PSME4: variants seen among roughly 807,000 people sequenced by gnomAD.
PSME4 encodes proteasome activator complex subunit 4.
In PSME4, 89 loss-of-function variants were observed where a neutral mutation model predicts 253.9. The observed-to-expected ratio is 0.35, with a 90% CI of 0.30 to 0.42. The LOEUF (loss-of-function observed/expected upper bound fraction) is 0.42, where lower values mean the gene tolerates loss of function less well. PSME4 is among the 10% of genes least tolerant of loss of function. PSME4 has a pLI of 1.00. For synonymous variants in PSME4, 851 were observed against 759.2 expected, an observed-to-expected ratio of 1.12 and a Z score of -1.99; for missense variants, 2,014 against 2,195.2, an observed-to-expected ratio of 0.92 and a Z score of 1.65.
chr2:53,961,434 C>T lies in PSME4; in HGVS notation c.242+9109G>A, dbSNP rs569877608. Among the ~76,000 whole-genome samples the T allele has an allele frequency of 9.1e-4, 139 of 152,012 alleles. 1 individual carries two copies. The highest frequency in any genetic ancestry group is 3.1e-3 in the African/African-American group (129 of 41,462). ...CTGTAATCCCAGCACTTTGGGAGGG[C>T]GAGGCAGGAAGATTTGAGCCCAGGA... On this transcript the variant is annotated intron_variant, in intron 1 of 46. Coordinates refer to ENST00000404125, the MANE Select transcript of PSME4 (RefSeq NM_014614.3).
Position 53,923,347 on chromosome 2 carries a change from C to A in PSME4, c.1882G>T (p.Ala628Ser). Residue 628 changes from alanine (A) to serine (S), a missense_variant, in exon 15 of 47, where the codon GCA becomes TCA. Transcript: ENST00000404125. ...FETRVAGRMVADMCRAAVKCC... is the reference protein window; with the variant it reads ...FETRVAGRMVSDMCRAAVKCC... ...TTTACAGCAGCGCGGCACATGTCTG[C>A]CACCATGCGACCTGCTACTCTTGTT... 6.2e-7 allele frequency: 1 copy of A among 1,609,724 alleles called. No individual in the cohort carries two copies. The highest frequency in any genetic ancestry group is 8.5e-7 in the Non-Finnish European group (1 of 1,178,870).
At chr2:53,966,582 T>C (rs1670748538) in intron 1 of PSME4, among the ~76,000 whole-genome samples, 2 of 150,858 alleles carry the variant, frequency 1.3e-5, no homozygotes, top group African/African-American at 4.9e-5. Flanking sequence ...AAAAAGATAA[T>C]AATGTTGGAG....
intron 26 of PSME4, among the ~76,000 whole-genome samples, chr2:53,904,749 G>A (rs533579873): frequency 1.3e-5 from 2 of 152,218 alleles, no homozygotes; most frequent in African/African-American, 4.8e-5. Flanking sequence ...AGCACTTTGG[G>A]AGGCTGAGGT....
At chr2:53,969,819 T>C (rs1464303390) in intron 1 of PSME4, among the ~76,000 whole-genome samples, 3 of 151,912 alleles carry the variant, frequency 2.0e-5, no homozygotes, top group African/African-American at 7.3e-5. Flanking sequence ...CTGATACTAA[T>C]ATCGCCCTGG....
chr2:53,944,338 T>C (rs2104472163), intron 3 of PSME4, among the ~76,000 whole-genome samples: 1 of 152,192 alleles, frequency 6.6e-6, no homozygotes, highest in African/African-American at 2.4e-5. Flanking sequence ...TTTGTGTTTT[T>C]AGTAGAGATG....
At chr2:53,944,163 A>AT (rs1020465320) in intron 3 of PSME4, among the ~76,000 whole-genome samples, 346 of 147,884 alleles carry the variant, frequency 2.3e-3, no homozygotes, top group Middle Eastern at 0.021. Flanking sequence ...AATCTGGTAA[A>AT]TTTTTTTTTT....
In PSME4 at chr2:53,867,326, G is replaced by A. The variant is rs549503861; in HGVS notation, c.5264-446C>T. 2.0e-4 allele frequency among the ~76,000 whole-genome samples: 31 copies of A among 152,132 alleles called. No individual in the cohort carries two copies. The South Asian group carries it at 4.6e-3, about 22-fold the overall frequency. The stretch of plus-strand genomic sequence containing the variant: ...TCAAGAACAGCTTGGCCAACGTGGC[G>A]AAACCCTGTCTCTGCTAAAAATACA... On this transcript the variant is annotated intron_variant, in intron 44 of 46. Transcript: ENST00000404125.
At chr2:53,935,303 A>G (rs1669050039) in intron 7 of PSME4, among the ~76,000 whole-genome samples, 1 of 152,192 alleles carries the variant, frequency 6.6e-6, no homozygotes, top group African/African-American at 2.4e-5. Flanking sequence ...GTGGGGAGAA[A>G]TGATTTCTCT....
intron 29 of PSME4, among the ~76,000 whole-genome samples, chr2:53,898,635 A>ACG (rs766014060): frequency 2.8e-5 from 2 of 71,636 alleles, no homozygotes; most frequent in African/African-American, 5.7e-5. Flanking sequence ...TGGGAGTGGC[A>ACG]CACACACACA....
chr2:53,911,333 G>A (rs1286643109), intron 20 of PSME4, among the ~76,000 whole-genome samples: 1 of 152,010 alleles, frequency 6.6e-6, no homozygotes, highest in Non-Finnish European at 1.5e-5. Context: ...ACGTTAATTT[G>A]CTTTTTCAGA....
intron 10 of PSME4, among the ~76,000 whole-genome samples, chr2:53,929,595 ATTT>A (rs1278214890): frequency 7.1e-6 from 1 of 141,704 alleles, no homozygotes; most frequent in Non-Finnish European, 1.6e-5. Context: ...CTAGCTGCTT[ATTT>A]TTTTTTTTTT....
Position 53,948,507 on chromosome 2 carries a change from CA to C in PSME4, c.413del (p.Leu138TrpfsTer12). ...KKKELLSRADLELPWRPLYDM... is the reference protein window; with the variant it reads ...KKKELLSRADXELPWRPLYDM... ...CATAAAGTGGTCTCCAGGGTAACTCCAAATCAGCTCTTGAAAGAAGTTCCTT... is the reference window on the plus strand; with the variant it reads ...CATAAAGTGGTCTCCAGGGTAACTCCAATCAGCTCTTGAAAGAAGTTCCTT... On this transcript the variant is annotated frameshift_variant, in exon 3 of 47. Transcript: ENST00000404125. LOFTEE classifies it high-confidence loss of function. The C allele has an allele frequency of 1.2e-6, 2 of 1,612,708 alleles. No individual in the cohort carries two copies. The highest frequency in any genetic ancestry group is 1.7e-6 in the Non-Finnish European group (2 of 1,178,948).
intron 44 of PSME4, among the ~76,000 whole-genome samples, chr2:53,867,938 T>A (rs994045255): frequency 3.9e-5 from 6 of 152,096 alleles, no homozygotes; most frequent in Admixed American, 3.9e-4. Context: ...TCTGTAGTAG[T>A]GTAAGTTAGT....
chr2:53,935,105 A>G (rs1290714209), intron 7 of PSME4, among the ~76,000 whole-genome samples: 2 of 152,302 alleles, frequency 1.3e-5, no homozygotes, highest in Admixed American at 6.5e-5. Flanking sequence ...CTCCTATTCC[A>G]TGTCAAGCAT....
intron 1 of PSME4, among the ~76,000 whole-genome samples, chr2:53,957,554 G>A (rs1249088759): frequency 6.6e-6 from 1 of 152,132 alleles, no homozygotes; most frequent in East Asian, 1.9e-4. Context: ...AGAGGAGGCA[G>A]AGCTCAGGCA....
intron 1 of PSME4, among the ~76,000 whole-genome samples, chr2:53,954,713 C>T (rs1041719866): frequency 4.0e-5 from 6 of 151,734 alleles, no homozygotes; most frequent in Admixed American, 6.6e-5. Context: ...TAGTGGCAGG[C>T]GTCTGTAGTC....
Position 53,895,739 on chromosome 2 carries a change from A to T in PSME4, c.3689-3T>A, listed in dbSNP as rs748236045. The T allele has an allele frequency of 6.3e-7, 1 of 1,578,086 alleles. No homozygotes were observed. The highest frequency in any genetic ancestry group is 8.6e-7 in the Non-Finnish European group (1 of 1,167,470). ...TTGGGTGGGTTTAGGGCATCCACCT[A>T]AGGAAAAGACAATCACATTTGATGA... is the stretch of plus-strand genomic sequence containing the variant. On this transcript the variant is annotated splice_region_variant and splice_polypyrimidine_tract_variant and intron_variant, in intron 32 of 46. Transcript: ENST00000404125.
At chr2:53,963,095 G>C (rs556550382) in intron 1 of PSME4, among the ~76,000 whole-genome samples, 68 of 151,980 alleles carry the variant, frequency 4.5e-4, no homozygotes, top group African/African-American at 1.6e-3. Context: ...AGGAGGCAAA[G>C]GTGGAGGATC....
chr2:53,928,043 C>T (rs561696759), intron 11 of PSME4, 74 bp downstream of exon 11: 1 of 1,232,394 alleles, frequency 8.1e-7, no homozygotes, highest in Admixed American at 2.1e-5. Context: ...ACAAACTTCT[C>T]CAACCTTTTG....
Sources: allele counts gnomAD v4.1 joint callset (sites outside exome capture counted in the v4.1 genomes callset), GRCh38; gene constraint gnomAD v4.1.1; transcripts MANE v1.5; gene names NCBI Gene and HGNC (gene_info 2026-07-23, HGNC 2026-07-21).